The following GNAL variants were observed in gnomAD, a reference collection of about 807,000 sequenced individuals.
GNAL encodes G protein subunit alpha L.
GNAL carries 18 observed loss-of-function variants against 55.1 expected under a neutral mutation model. The ratio of observed to expected loss-of-function variants is 0.33; its 90% CI spans 0.23 to 0.48. The LOEUF (loss-of-function observed/expected upper bound fraction) is 0.48, where lower values mean the gene tolerates loss of function less well. Among genes scored for constraint, GNAL ranks in the 20% least tolerant of loss-of-function variants. The probability of loss-of-function intolerance (pLI) is 0.99; values close to 1 mark genes in which losing one functional copy is unlikely to be tolerated. For synonymous variants in GNAL, 253 were observed against 237.0 expected, an observed-to-expected ratio of 1.07 and a Z score of -0.62; for missense variants, 412 against 614.1, an observed-to-expected ratio of 0.67 and a Z score of 3.48.
At chr18:11,724,044 C>G (rs2032156892) in intron 1 of GNAL, among the ~76,000 whole-genome samples, 1 of 152,202 alleles carries the variant, frequency 6.6e-6, no homozygotes, top group Non-Finnish European at 1.5e-5. Context: ...TGAATTACAG[C>G]AAACTTAGTG....
chr18:11,868,597 G>A lies in GNAL; in HGVS notation c.965G>A (p.Arg322Gln). The A allele has an allele frequency of 1.2e-6, 2 of 1,610,930 alleles. No homozygotes were observed. The highest frequency in any genetic ancestry group is 1.7e-6 in the Non-Finnish European group (2 of 1,177,642). The change falls in exon 9 of 12, where the codon CGA becomes CAA. Residue 322 changes from arginine (R) to glutamine (Q), a missense_variant. This residue lies in a region of GNAL where 53 missense variants were observed against 182.7 expected (regional missense o/e 0.29). Coordinates refer to ENST00000334049, the MANE Select transcript of GNAL (RefSeq NM_182978.4). This position sits in a 1 kb window ranked among gnomAD's most constrained non-coding sequence, Gnocchi z 4.0. The stretch of plus-strand genomic sequence containing the variant: ...TGCAGTAGCTACAACATGGTGATTC[G>A]AGAAGATAACAACACCAACAGGCTG... Reference protein sequence around the residue: ...AACSSYNMVIREDNNTNRLRE... With the variant: ...AACSSYNMVIQEDNNTNRLRE...
intron 1 of GNAL, among the ~76,000 whole-genome samples, chr18:11,730,645 T>C (rs2032318177): frequency 6.6e-6 from 1 of 151,942 alleles, no homozygotes; most frequent in Non-Finnish European, 1.5e-5. Context: ...GCACCTGTAG[T>C]CCCAGCTACT....
intron 5 of GNAL, among the ~76,000 whole-genome samples, chr18:11,831,828 G>T (rs959578876): frequency 1.4e-4 from 21 of 152,218 alleles, no homozygotes; most frequent in Non-Finnish European, 2.9e-4. Flanking sequence ...GTGGCCATTT[G>T]TGTGTCCCTG....
intron 1 of GNAL, among the ~76,000 whole-genome samples, chr18:11,736,304 A>G (rs1013381477): frequency 1.3e-5 from 2 of 152,176 alleles, no homozygotes; most frequent in African/African-American, 4.8e-5. Context: ...CCAAGGCGGG[A>G]GGATCACTTG....
rs1352146773 is a variant in GNAL, at chr18:11,883,034, T to TAC, written c.*1901_*1902dup. 7.4e-6 allele frequency: 1 copy of TAC among 135,932 alleles called. No individual in the cohort carries two copies. The highest frequency in any genetic ancestry group is 2.6e-5 in the African/African-American group (1 of 38,836). 8.4% of individuals were successfully genotyped at this position (135,932 alleles called of 1,614,324 possible). A position where few individuals can be genotyped will look rare whatever the true frequency, so the allele number is the denominator to read the frequency against. On this transcript the variant is annotated 3_prime_UTR_variant, in exon 12 of 12. Coordinates refer to ENST00000334049, the MANE Select transcript of GNAL (RefSeq NM_182978.4). The stretch of plus-strand genomic sequence containing the variant: ...ATACAAATCTAGAGAAGTGACAGCC[T>TAC]ACATTACTTCATTATTACTCTTCTT...
chr18:11,697,528 A>C (rs2031448498), intron 1 of GNAL, among the ~76,000 whole-genome samples: 1 of 151,854 alleles, frequency 6.6e-6, no homozygotes, highest in South Asian at 2.1e-4. Context: ...ATTGCACTCC[A>C]GCATGGGGGA....
At chr18:11,771,938 C>G (rs2033648862) in intron 4 of GNAL, among the ~76,000 whole-genome samples, 1 of 151,996 alleles carries the variant, frequency 6.6e-6, no homozygotes, top group Non-Finnish European at 1.5e-5. Flanking sequence ...CCAGCCTGGT[C>G]TCGAACTCCT....
chr18:11,814,580 A>G (rs542907605), intron 4 of GNAL, among the ~76,000 whole-genome samples: 77 of 152,198 alleles, frequency 5.1e-4, no homozygotes, highest in African/African-American at 1.8e-3. Flanking sequence ...ATATGGTCTC[A>G]TCATATATGG....
chr18:11,698,314 A>T (rs2031470637), intron 1 of GNAL, among the ~76,000 whole-genome samples: 1 of 151,856 alleles, frequency 6.6e-6, no homozygotes, highest in South Asian at 2.1e-4. Flanking sequence ...AACACGGTAA[A>T]ACCTCGCCTC....
At position 11,738,640 on chromosome 18, in the gene GNAL, G is replaced by A. The variant is rs527972588; in HGVS notation, c.377-14213G>A. ...TTTTTTGTATTTTCACTGGAAATAG[G>A]GTTTCACCGTGTTGGCCAGGCTGGT... On this transcript the variant is annotated intron_variant, in intron 1 of 11. Transcript: ENST00000334049. 2.6e-5 allele frequency among the ~76,000 whole-genome samples: 4 copies of A among 152,158 alleles called. No homozygotes were observed. The South Asian group carries it at 8.3e-4, about 32-fold the overall frequency.
chr18:11,875,262 C>T (rs930083926), intron 10 of GNAL, among the ~76,000 whole-genome samples: 5 of 152,184 alleles, frequency 3.3e-5, no homozygotes, highest in African/African-American at 7.2e-5. Context: ...GAGCTTTCCT[C>T]TCCCAACAGC....
At chr18:11,766,067 G>T (rs1458592513) in intron 4 of GNAL, among the ~76,000 whole-genome samples, 1 of 152,196 alleles carries the variant, frequency 6.6e-6, no homozygotes, top group Non-Finnish European at 1.5e-5. Context: ...ATCAGTAGAA[G>T]GAGCAGAGCG....
chr18:11,746,619 AAAG>A (rs888543671), intron 1 of GNAL: 24 of 247,754 alleles, frequency 9.7e-5, no homozygotes, highest in African/African-American at 3.8e-4. Flanking sequence ...TAAAAAAAAG[AAAG>A]AAGAAGAAGG....
At chr18:11,847,596 C>T (rs1040051463) in intron 5 of GNAL, among the ~76,000 whole-genome samples, 5 of 151,964 alleles carry the variant, frequency 3.3e-5, no homozygotes, top group African/African-American at 1.2e-4. Flanking sequence ...TGGTTTGACC[C>T]GCAGCTTTCT....
At chr18:11,758,705 C>G (rs1304338251) in intron 4 of GNAL, among the ~76,000 whole-genome samples, 1 of 152,130 alleles carries the variant, frequency 6.6e-6, no homozygotes, top group Non-Finnish European at 1.5e-5. Context: ...TGAATACACC[C>G]AAAGCTTCAG....
rs2035199262 is a variant in GNAL at position 11,824,852 on chromosome 18, C to A, written c.625-66C>A. The A allele has an allele frequency of 4.6e-6, 4 of 868,340 alleles. No homozygotes were observed. The South Asian group carries it at 6.1e-5, about 13-fold the overall frequency. The allele number at this position is 868,340 out of a possible 1,614,324, so 53.8% of individuals were successfully genotyped here. A position where few individuals can be genotyped will look rare whatever the true frequency, so the allele number is the denominator to read the frequency against. ...AAAACAGTTTTTGCAGTTTCTTTTT[C>A]CTTTTAACTTTTTAAAAGGTTATTA... On this transcript the variant is annotated intron_variant, in intron 4 of 11. Coordinates refer to ENST00000334049, the MANE Select transcript of GNAL (RefSeq NM_182978.4).
chr18:11,881,311 T>C lies in GNAL; in HGVS notation c.*176T>C, dbSNP rs2036685412. The C allele has an allele frequency of 5.3e-6, 3 of 565,482 alleles. No homozygotes were observed. The highest frequency in any genetic ancestry group is 5.5e-5 in the South Asian group (2 of 36,578). 35.0% of individuals were successfully genotyped at this position (565,482 alleles called of 1,614,324 possible). ...CTCAGGTTTGGTTGTGTAGCTTCTG[T>C]TGTCATTGAATACGGCCTCCCGCAG... On this transcript the variant is annotated 3_prime_UTR_variant, in exon 12 of 12. Transcript: ENST00000334049. The surrounding 1 kb of genome is among the most constrained non-coding windows in gnomAD (Gnocchi z 4.8).
At chr18:11,827,372 G>A (rs1414393535) in intron 5 of GNAL, among the ~76,000 whole-genome samples, 1 of 152,174 alleles carries the variant, frequency 6.6e-6, no homozygotes, top group Non-Finnish European at 1.5e-5. Flanking sequence ...CAGCACTTTG[G>A]TAGGCCGAGG....
intron 1 of GNAL, among the ~76,000 whole-genome samples, chr18:11,743,948 T>TTG (rs1175306214): frequency 6.6e-6 from 1 of 152,234 alleles, no homozygotes; most frequent in Non-Finnish European, 1.5e-5. Context: ...TATTTTTGAA[T>TTG]TGTAAGACCT....
Sources: gnomAD v4.1 joint callset for allele counts (sites outside exome capture counted in the v4.1 genomes callset) on GRCh38, gnomAD v4.1.1 for gene constraint, gnomAD v4.1.1 regional missense constraint, Gnocchi (gnomAD v3.1) non-coding constraint, MANE v1.5 for transcripts, NCBI Gene and HGNC (gene_info 2026-07-23, HGNC 2026-07-21) for gene names.